Variants in PRKN observed in about 807,000 individuals in gnomAD.
PRKN encodes the protein E3 ubiquitin-protein ligase parkin.
PRKN carries 56 observed loss-of-function variants against 59.5 expected under a neutral mutation model. The observed-to-expected ratio is 0.94, with a 90% CI of 0.76 to 1.18. The LOEUF (loss-of-function observed/expected upper bound fraction) is 1.18, where lower values mean the gene tolerates loss of function less well. Ranked by LOEUF, PRKN falls within the 50% of genes most tolerant of loss-of-function variation. PRKN has a pLI of 0.00. For missense variants in PRKN, 657 were observed against 596.4 expected, an observed-to-expected ratio of 1.10 and a Z score of -1.06; for synonymous variants, 250 against 222.1, an observed-to-expected ratio of 1.13 and a Z score of -1.12.
At chr6:161,952,920 T>C (rs1046418302) in intron 6 of PRKN, among the ~76,000 whole-genome samples, 6 of 152,238 alleles carry the variant, frequency 3.9e-5, no homozygotes, top group Non-Finnish European at 7.4e-5. Context: ...AGGGTAAAAG[T>C]AGGATGACGA....
At chr6:162,535,190 A>G (rs1278455761) in intron 1 of PRKN, among the ~76,000 whole-genome samples, 21 of 152,014 alleles carry the variant, frequency 1.4e-4, no homozygotes, top group Non-Finnish European at 5.9e-5. Flanking sequence ...CCAAGCTATC[A>G]CTTGCTCGGT....
chr6:162,146,314 T>C (rs989042469), intron 4 of PRKN, among the ~76,000 whole-genome samples: 17 of 152,188 alleles, frequency 1.1e-4, no homozygotes, highest in African/African-American at 4.1e-4. Flanking sequence ...TTATAATCTT[T>C]TGCATTTTTG....
chr6:161,791,726 T>C (rs557572606), intron 6 of PRKN, among the ~76,000 whole-genome samples: 1 of 152,310 alleles, frequency 6.6e-6, no homozygotes, highest in African/African-American at 2.4e-5. Flanking sequence ...ATACTTACTA[T>C]ACAGGACAGA....
At chr6:162,244,846 C>T (rs1192750184) in intron 3 of PRKN, among the ~76,000 whole-genome samples, 2 of 151,992 alleles carry the variant, frequency 1.3e-5, no homozygotes, top group Admixed American at 6.6e-5. Context: ...ATCTTAGCCT[C>T]AATATCTTTT....
intron 1 of PRKN, among the ~76,000 whole-genome samples, chr6:162,475,683 G>A (rs1238471929): frequency 1.3e-5 from 2 of 148,818 alleles, no homozygotes; most frequent in Admixed American, 6.7e-5. Flanking sequence ...GCTGCGTCAT[G>A]CCTCCGGAAG....
At chr6:162,694,633 T>C (rs1777904763) in intron 1 of PRKN, 1 of 152,228 alleles carries the variant, frequency 6.6e-6, no homozygotes, top group Non-Finnish European at 1.5e-5. Context: ...TTGAAAATTG[T>C]ATAAAACTCA....
rs1035104212 is a variant in PRKN, at chr6:161,409,190, C to T, written c.1084-22313G>A. 5.9e-5 allele frequency among the ~76,000 whole-genome samples: 9 copies of T among 152,246 alleles called. No homozygotes were observed. In the South Asian group the frequency reaches 1.5e-3, roughly 25 times the overall value. On this transcript the variant is annotated intron_variant, in intron 9 of 11. Transcript: ENST00000366898. The surrounding 1 kb of genome is among the most constrained non-coding windows in gnomAD (Gnocchi z 4.6). ...CGAACTCCTGACCTTGTGATCCACC[C>T]GCACTGGACTCCCAAACTGCTGGGA... is the stretch of plus-strand genomic sequence containing the variant.
At chr6:161,597,857 C>CACAT (rs1781972052) in intron 7 of PRKN, among the ~76,000 whole-genome samples, 1 of 151,678 alleles carries the variant, frequency 6.6e-6, no homozygotes, top group African/African-American at 2.4e-5. Flanking sequence ...CACACACACA[C>CACAT]ATATTCTAAA....
At chr6:162,298,181 G>C (rs566463282) in intron 2 of PRKN, among the ~76,000 whole-genome samples, 3 of 152,180 alleles carry the variant, frequency 2.0e-5, no homozygotes, top group Admixed American at 1.3e-4. Flanking sequence ...GAGAGAGAGA[G>C]AGAGAGAGAG....
At chr6:161,623,967 CACA>C (rs1783000206) in intron 7 of PRKN, among the ~76,000 whole-genome samples, 1 of 152,148 alleles carries the variant, frequency 6.6e-6, no homozygotes, top group East Asian at 1.9e-4. Flanking sequence ...TGATAATAAA[CACA>C]ACACATTAAT....
At position 162,475,787 on chromosome 6, in the gene PRKN, T is replaced by TCGCAATCTCAGCTCACTGCAGTGG. The variant is rs919926988; in HGVS notation, c.8-32338_8-32315dup. 7.9e-5 allele frequency among the ~76,000 whole-genome samples: 12 copies of TCGCAATCTCAGCTCACTGCAGTGG among 152,380 alleles called. No individual in the cohort carries two copies. The South Asian group carries it at 1.0e-3, about 13-fold the overall frequency. Reference sequence around the variant, plus strand: ...TATTTTGAGACGGAGTCTCGCTTTGTCGCAATCTCAGCTCACTGCAGTGGC... The same window carrying TCGCAATCTCAGCTCACTGCAGTGG: ...TATTTTGAGACGGAGTCTCGCTTTGTCGCAATCTCAGCTCACTGCAGTGGCGCAATCTCAGCTCACTGCAGTGGC... On this transcript the variant is annotated intron_variant, in intron 1 of 11. Coordinates refer to ENST00000366898, the MANE Select transcript of PRKN (RefSeq NM_004562.3).
intron 6 of PRKN, among the ~76,000 whole-genome samples, chr6:161,868,695 T>C (rs1794222207): frequency 6.6e-6 from 1 of 152,226 alleles, no homozygotes; most frequent in South Asian, 2.1e-4. Context: ...ATTTGTAGCA[T>C]ATCATCACTA....
At chr6:162,634,112 G>C (rs781763966) in intron 1 of PRKN, among the ~76,000 whole-genome samples, 4 of 152,064 alleles carry the variant, frequency 2.6e-5, no homozygotes, top group Non-Finnish European at 5.9e-5. Flanking sequence ...AAAGTTCCCA[G>C]AACAGCCTGT....
At chr6:161,509,842 T>C (rs530696193) in intron 9 of PRKN, among the ~76,000 whole-genome samples, 3 of 134,744 alleles carry the variant, frequency 2.2e-5, no homozygotes, top group African/African-American at 8.6e-5. Context: ...ATTGTGCCAC[T>C]GTACTCCAGC....
chr6:162,351,848 A>T (rs1244830409), intron 2 of PRKN, among the ~76,000 whole-genome samples: 2 of 151,886 alleles, frequency 1.3e-5, no homozygotes, highest in Admixed American at 6.6e-5. Context: ...GTGTGTGTGT[A>T]TGGGTGTGTG....
chr6:162,424,691 C>G (rs1047975287), intron 2 of PRKN, among the ~76,000 whole-genome samples: 1 of 150,430 alleles, frequency 6.6e-6, no homozygotes, highest in African/African-American at 2.5e-5. Flanking sequence ...GCCGAGATCA[C>G]GCCACTGTAT....
chr6:161,858,643 C>A (rs898595811), intron 6 of PRKN, among the ~76,000 whole-genome samples: 2 of 151,748 alleles, frequency 1.3e-5, no homozygotes, highest in African/African-American at 4.8e-5. Context: ...CCAGAGTGAG[C>A]CTGCAACAGC....
intron 1 of PRKN, among the ~76,000 whole-genome samples, chr6:162,545,782 A>C (rs1424183789): frequency 2.0e-5 from 3 of 152,178 alleles, no homozygotes; most frequent in African/African-American, 7.2e-5. Context: ...TAATCTAACA[A>C]AGGAAAAATT....
At chr6:162,526,373 C>T (rs930978362) in intron 1 of PRKN, among the ~76,000 whole-genome samples, 1 of 150,704 alleles carries the variant, frequency 6.6e-6, no homozygotes, top group Non-Finnish European at 1.5e-5. Context: ...CAAAGGTGGC[C>T]GGGCACGGTG....
Sources: allele counts gnomAD v4.1 joint callset (sites outside exome capture counted in the v4.1 genomes callset), GRCh38; gene constraint gnomAD v4.1.1; non-coding constraint Gnocchi (gnomAD v3.1); transcripts MANE v1.5; gene names NCBI Gene and HGNC (gene_info 2026-07-23, HGNC 2026-07-21).